The following EXTL3 variants were observed in gnomAD, a reference collection of about 807,000 sequenced individuals.
EXTL3 encodes exostosin like glycosyltransferase 3, also known as exostosin-like 3.
Under a neutral mutation model 69.3 loss-of-function variants are expected in EXTL3, and 27 were observed. That is an observed-to-expected ratio of 0.39 (90% CI 0.29 to 0.54). The LOEUF (loss-of-function observed/expected upper bound fraction) is 0.54. Among genes scored for constraint, EXTL3 ranks in the 20% least tolerant of loss-of-function variants. The pLI is 0.69. For missense variants in EXTL3, 1,003 were observed against 1,231.8 expected (o/e 0.81, Z 2.78); for synonymous variants, 511 against 499.4 (o/e 1.02, Z -0.31).
At position 28,737,507 on chromosome 8, in the gene EXTL3, G is replaced by A. The variant is rs779843733; in HGVS notation, c.2277-12G>A. On this transcript the variant is annotated splice_polypyrimidine_tract_variant and intron_variant, in intron 4 of 6. Coordinates refer to ENST00000220562, the MANE Select transcript of EXTL3 (RefSeq NM_001440.4). ...TGTATTCAGGTCTGTGTATGCACTT[G>A]TGTTTTTCAAGGGTGTGGAGAGAAG... is the stretch of plus-strand genomic sequence containing the variant. The A allele has an allele frequency of 1.9e-6, 3 of 1,613,870 alleles. No homozygotes were observed.
intron 1 of EXTL3, chr8:28,710,250 T>C: frequency 3.1e-6 from 1 of 322,122 alleles, no homozygotes; most frequent in South Asian, 2.5e-5. Context: ...GAGGTGAAGA[T>C]GGGAAAAGTA....
At chr8:28,713,903 C>CTTTTTTTTTTTTTTTTTTT in intron 2 of EXTL3, among the ~76,000 whole-genome samples, 1 of 113,780 alleles carries the variant, frequency 8.8e-6, no homozygotes, top group Non-Finnish European at 1.8e-5. Flanking sequence ...TTCTTTCTTT[C>CTTTTTTTTTTTTTTTTTTT]TTTTTTTTTT....
At chr8:28,619,266 T>TACAAAAA (rs1806372093), upstream of EXTL3, among the ~76,000 whole-genome samples, 1 of 64,656 alleles carries the variant, frequency 1.5e-5, no homozygotes, top group African/African-American at 7.1e-5. Flanking sequence ...AGCTTAGTGA[T>TACAAAAA]AAAAAAAAAA....
chr8:28,626,987 C>A (rs1806501292), intron 1 of EXTL3, among the ~76,000 whole-genome samples: 1 of 151,498 alleles, frequency 6.6e-6, no homozygotes, highest in Non-Finnish European at 1.5e-5. Flanking sequence ...TCGAGACCAT[C>A]CTGGCTAACA....
chr8:28,704,780 C>T (rs1388023751), intron 1 of EXTL3, among the ~76,000 whole-genome samples: 1 of 152,116 alleles, frequency 6.6e-6, no homozygotes, highest in Non-Finnish European at 1.5e-5. Flanking sequence ...AAGTAATTCT[C>T]CTGCCTCAAC....
rs1297271450 is a variant in EXTL3, at chr8:28,717,242, C to T, written c.1183C>T (p.Leu395=). Residue 395 remains leucine (L), a synonymous_variant, in exon 3 of 7, where the codon CTG becomes TTG. Transcript: ENST00000220562. The surrounding 1 kb of genome is among the most constrained non-coding windows in gnomAD (Gnocchi z 8.3). ...AVQDSKLDQV[L]VEFTCKNQPK... ...GCAGGACAGCAAGCTGGATCAGGTC[C>T]TGGTGGAATTCACCTGCAAAAACCA... 6.2e-7 allele frequency: 1 copy of T among 1,614,246 alleles called. No homozygotes were observed. The highest frequency in any genetic ancestry group is 1.1e-5 in the South Asian group (1 of 91,086).
chr8:28,712,465 A>G (rs1369142513), intron 1 of EXTL3, among the ~76,000 whole-genome samples: 1 of 152,204 alleles, frequency 6.6e-6, no homozygotes, highest in East Asian at 1.9e-4. Flanking sequence ...TAAGCATGAA[A>G]TGCTGTGGCA....
chr8:28,694,331 G>A (rs980490195), intron 1 of EXTL3, among the ~76,000 whole-genome samples: 107 of 152,310 alleles, frequency 7.0e-4, no homozygotes, highest in African/African-American at 2.6e-3. Flanking sequence ...TACCTCAAAC[G>A]ATAATTCCCT....
intron 1 of EXTL3, among the ~76,000 whole-genome samples, chr8:28,640,408 G>C (rs954351760): frequency 3.3e-5 from 5 of 152,116 alleles, no homozygotes; most frequent in African/African-American, 1.2e-4. Flanking sequence ...AAAGATCTTA[G>C]TAAAATCTAG....
intron 1 of EXTL3, among the ~76,000 whole-genome samples, chr8:28,666,614 C>T (rs1226484104): frequency 2.0e-5 from 3 of 152,006 alleles, no homozygotes; most frequent in African/African-American, 2.4e-5. Context: ...TTCACTCTGT[C>T]GCCCAGGCTG....
intron 1 of EXTL3, among the ~76,000 whole-genome samples, chr8:28,626,904 T>C (rs1281079363): frequency 6.6e-6 from 1 of 152,184 alleles, no homozygotes; most frequent in Non-Finnish European, 1.5e-5. Flanking sequence ...GTCCCCTGGC[T>C]GGGCGTGGTG....
rs1178796351 is a variant in EXTL3 at position 28,718,139 on chromosome 8, G to A, written c.2080G>A (p.Val694Met). The change falls in exon 3 of 7, where the codon GTG (valine) becomes ATG (methionine). Residue 694 changes from valine (V) to methionine (M), a missense_variant. This residue lies in a region of EXTL3 where 261 missense variants were observed against 416.4 expected (regional missense o/e 0.63). Transcript: ENST00000220562. ...NGLPYLNKVVVVWNSPKLPSE... is the reference protein window; with the variant it reads ...NGLPYLNKVVMVWNSPKLPSE... Reference sequence around the variant, plus strand: ...CCTCCCTTACCTGAACAAGGTCGTGGTGGTGTGGAATTCTCCCAAGCTGCC... The same window carrying A: ...CCTCCCTTACCTGAACAAGGTCGTGATGGTGTGGAATTCTCCCAAGCTGCC... The A allele has an allele frequency of 2.5e-6, 4 of 1,614,016 alleles. No individual in the cohort carries two copies. The highest frequency in any genetic ancestry group is 3.4e-6 in the Non-Finnish European group (4 of 1,180,028).
At chr8:28,646,028 A>G (rs1345172699) in intron 1 of EXTL3, among the ~76,000 whole-genome samples, 2 of 150,424 alleles carry the variant, frequency 1.3e-5, no homozygotes, top group African/African-American at 2.5e-5. Context: ...ACACTGGGCT[A>G]ATTTTTGTAT....
chr8:28,734,320 A>G (rs1585289592), intron 4 of EXTL3, among the ~76,000 whole-genome samples: 1 of 152,218 alleles, frequency 6.6e-6, no homozygotes, highest in East Asian at 1.9e-4. Context: ...TTTGGATGTC[A>G]TATTTAAGAA....
chr8:28,698,128 G>C (rs998720149), upstream of EXTL3: 1 of 152,188 alleles, frequency 6.6e-6, no homozygotes, highest in African/African-American at 2.4e-5. Context: ...TGAAACTGTA[G>C]AGGATCAGTG....
At position 28,652,952 on chromosome 8, in the gene EXTL3, G is replaced by C. The variant is rs191491432; in HGVS notation, c.-53+30142G>C. ...ACCTCTCACCTCCACACATGCATAG[G>C]CTGACCCACATTCAACATCCCTCAT... is the stretch of plus-strand genomic sequence containing the variant. On this transcript the variant is annotated intron_variant, in intron 1 of 6. Transcript: ENST00000523149. Among the ~76,000 whole-genome samples the C allele has an allele frequency of 1.8e-3, 276 of 152,170 alleles. 1 individual carries two copies. Among genetic ancestry groups the C allele is most frequent in the African/African-American group, 6.4e-3 (265 of 41,532 alleles).
At chr8:28,660,786 T>G (rs1807095907) in intron 1 of EXTL3, among the ~76,000 whole-genome samples, 1 of 148,416 alleles carries the variant, frequency 6.7e-6, no homozygotes, top group African/African-American at 2.5e-5. Context: ...GCACGTACAA[T>G]ATTACTTACT....
chr8:28,707,975 T>C (rs190987983), intron 1 of EXTL3, among the ~76,000 whole-genome samples: 2 of 152,372 alleles, frequency 1.3e-5, no homozygotes, highest in Admixed American at 1.3e-4. Context: ...CTCATTTTCC[T>C]TGTTAATATC....
At chr8:28,675,494 A>G (rs1028560850) in intron 1 of EXTL3, among the ~76,000 whole-genome samples, 2 of 152,100 alleles carry the variant, frequency 1.3e-5, no homozygotes, top group Admixed American at 1.3e-4. Flanking sequence ...CTCTTGCAGT[A>G]GTGCCCAGCT....
Sources: gnomAD v4.1 joint callset for allele counts (sites outside exome capture counted in the v4.1 genomes callset) on GRCh38, gnomAD v4.1.1 for gene constraint, gnomAD v4.1.1 regional missense constraint, Gnocchi (gnomAD v3.1) non-coding constraint, MANE v1.5 for transcripts, NCBI Gene and HGNC (gene_info 2026-07-23, HGNC 2026-07-21) for gene names.